Variants in CUL4A observed in about 807,000 individuals in gnomAD.
CUL4A encodes the protein cullin 4A.
Under a neutral mutation model 95.5 loss-of-function variants are expected in CUL4A, and 16 were observed. That is an observed-to-expected ratio of 0.17 (90% CI 0.11 to 0.25). The LOEUF (loss-of-function observed/expected upper bound fraction) is 0.25. Among genes scored for constraint, CUL4A ranks in the 10% least tolerant of loss-of-function variants. The probability of loss-of-function intolerance (pLI) is 1.00; values close to 1 mark genes in which losing one functional copy is unlikely to be tolerated. For synonymous variants in CUL4A, 380 were observed against 353.1 expected, an observed-to-expected ratio of 1.08 and a Z score of -0.85; for missense variants, 610 against 937.0, an observed-to-expected ratio of 0.65 and a Z score of 4.56.
At chr13:113,243,578 A>C (rs1180607035) in intron 11 of CUL4A, among the ~76,000 whole-genome samples, 2 of 151,948 alleles carry the variant, frequency 1.3e-5, no homozygotes, top group Non-Finnish European at 2.9e-5. Flanking sequence ...GGCTTTCTCT[A>C]GTCAGTAAAA....
chr13:113,240,589 A>G (rs1465173021), intron 10 of CUL4A, among the ~76,000 whole-genome samples: 1 of 152,236 alleles, frequency 6.6e-6, no homozygotes, highest in Non-Finnish European at 1.5e-5. Context: ...TTTCCAGAGA[A>G]TTACACTAAG....
intron 2 of CUL4A, among the ~76,000 whole-genome samples, chr13:113,212,626 G>C (rs1215931779): frequency 6.6e-6 from 1 of 151,806 alleles, no homozygotes; most frequent in Non-Finnish European, 1.5e-5. Flanking sequence ...TCTACTAAAA[G>C]TACAAAAAAT....
intron 18 of CUL4A, among the ~76,000 whole-genome samples, chr13:113,256,926 G>GTTTTGT (rs2042137989): frequency 4.2e-5 from 2 of 47,374 alleles, no homozygotes. Flanking sequence ...TTTTTTTTTC[G>GTTTTGT]TTTTTTTTTT....
chr13:113,243,274 C>T, intron 11 of CUL4A, 114 bp downstream of exon 11: 1 of 958,960 alleles, frequency 1.0e-6, no homozygotes, highest in Non-Finnish European at 1.5e-6. Flanking sequence ...GTTCAAGCTG[C>T]TCAAGGGGTG....
chr13:113,209,872 C>A, intron 1 of CUL4A, 97 bp downstream of exon 1: 1 of 1,170,104 alleles, frequency 8.5e-7, no homozygotes, highest in Non-Finnish European at 1.1e-6. Context: ...TCCGTGCGGG[C>A]CCCGGGAGCG....
chr13:113,263,483 T>A lies in CUL4A; in HGVS notation c.2185-4T>A, dbSNP rs751440288. On this transcript the variant is annotated splice_region_variant and splice_polypyrimidine_tract_variant and intron_variant, in intron 19 of 19. Coordinates refer to ENST00000375440, the MANE Select transcript of CUL4A (RefSeq NM_001008895.4). ...ATTAGGGGGGTTTTATTCTTCTTTT[T>A]TAGCCTGGAGATTTGAAAAAGAGAA... 6.3e-7 allele frequency: 1 copy of A among 1,589,478 alleles called. No individual in the cohort carries two copies. The highest frequency in any genetic ancestry group is 8.6e-7 in the Non-Finnish European group (1 of 1,167,118).
intron 5 of CUL4A, among the ~76,000 whole-genome samples, chr13:113,231,707 AAGT>A: frequency 6.6e-6 from 1 of 152,158 alleles, no homozygotes; most frequent in Non-Finnish European, 1.5e-5. Flanking sequence ...CACAGCTAGC[AAGT>A]AGTAGGGCCA....
Position 113,260,899 on chromosome 13 carries a change from G to C in CUL4A, c.2184+140G>C, listed in dbSNP as rs1385807820. On this transcript the variant is annotated intron_variant, in intron 19 of 19. Transcript: ENST00000375440. ...GTATACACTGAATGTAGAAAAACTGGCAAATGTGAAGCTCTTTATTCCAGG... is the reference window on the plus strand; with the variant it reads ...GTATACACTGAATGTAGAAAAACTGCCAAATGTGAAGCTCTTTATTCCAGG... 8 of 674,650 alleles carry C rather than the reference G, an allele frequency of 1.2e-5. No homozygotes were observed. The East Asian group carries it at 2.4e-4, about 20-fold the overall frequency. 41.8% of individuals were successfully genotyped at this position (674,650 alleles called of 1,614,324 possible). A position where few individuals can be genotyped will look rare whatever the true frequency, so the allele number is the denominator to read the frequency against.
In CUL4A at chr13:113,222,541, G is replaced by A. The variant is rs536572197; in HGVS notation, c.368+3493G>A. 4.8e-4 allele frequency among the ~76,000 whole-genome samples: 73 copies of A among 152,258 alleles called. 1 individual carries two copies. In the South Asian group the frequency reaches 0.015, roughly 31 times the overall value. ...TCGTGGTCATGTTGATTTGGAAGGA[G>A]GTGAGGAGGCACTCAGGTAGAGATG... On this transcript the variant is annotated intron_variant, in intron 3 of 19. Transcript: ENST00000375440.
upstream of CUL4A, chr13:113,208,974 A>C (rs2040196131): frequency 4.6e-6 from 5 of 1,097,548 alleles, no homozygotes; most frequent in Non-Finnish European, 5.6e-6. Flanking sequence ...GCCCCTTGTG[A>C]AAACCAGGCC....
intron 10 of CUL4A, among the ~76,000 whole-genome samples, chr13:113,241,449 CCCACACCTGCTAG>C (rs2041706142): frequency 6.6e-6 from 1 of 151,872 alleles, no homozygotes; most frequent in Non-Finnish European, 1.5e-5. Context: ...GTAAGTCCCT[CCCACACCTGCTAG>C]CCACACACCG....
At chr13:113,246,858 T>C (rs1294898724) in intron 15 of CUL4A, among the ~76,000 whole-genome samples, 1 of 152,228 alleles carries the variant, frequency 6.6e-6, no homozygotes, top group African/African-American at 2.4e-5. Context: ...TCCATTGTTA[T>C]GCTTAGGTTT....
Position 113,255,045 on chromosome 13 carries a change from G to A in CUL4A, c.1951G>A (p.Gly651Arg), listed in dbSNP as rs745639166. ...KSPKGKEVED[G>R]DKFIFNGEFK... Reference sequence around the variant, plus strand: ...TCCCAAAGGAAAGGAAGTGGAAGATGGAGACAAGTTCATTTTTAATGGAGA... The same window carrying A: ...TCCCAAAGGAAAGGAAGTGGAAGATAGAGACAAGTTCATTTTTAATGGAGA... Residue 651 changes from glycine (G) to arginine (R), a missense_variant, in exon 18 of 20, where the codon GGA (glycine) becomes AGA (arginine). Physicochemically the swap from Gly to Arg is moderately radical, Grantham distance 125. Transcript: ENST00000375440. 6.2e-7 allele frequency: 1 copy of A among 1,614,098 alleles called. No homozygotes were observed. The highest frequency in any genetic ancestry group is 1.7e-5 in the Admixed American group (1 of 60,016).
intron 18 of CUL4A, among the ~76,000 whole-genome samples, chr13:113,260,198 C>T (rs1266259501): frequency 0.024 from 22 of 902 alleles, 1 homozygote; most frequent in Admixed American, 0.11. Context: ...AGTGAGACTC[C>T]GTCTCAAAAA....
Position 113,209,644 on chromosome 13 carries a change from C to T in CUL4A, c.17C>T (p.Pro6Leu), listed in dbSNP as rs1203682299. Residue 6 changes from proline (P) to leucine (L), a missense_variant, in exon 1 of 20, where the codon CCG becomes CTG. This residue lies in a region of CUL4A where 168 missense variants were observed against 185.5 expected (regional missense o/e 0.91). Coordinates refer to ENST00000375440, the MANE Select transcript of CUL4A (RefSeq NM_001008895.4). MADEA[P>L]RKGSFSALVG... is the part of the protein sequence containing the mutation. Reference sequence around the variant, plus strand: ...GGCCCAGCCATGGCGGACGAGGCCCCGCGGAAGGGCAGCTTCTCGGCGCTC... The same window carrying T: ...GGCCCAGCCATGGCGGACGAGGCCCTGCGGAAGGGCAGCTTCTCGGCGCTC... 6 of 1,106,134 alleles carry T rather than the reference C, an allele frequency of 5.4e-6. No individual in the cohort carries two copies. The Admixed American group carries it at 2.6e-4, about 47-fold the overall frequency. The allele number at this position is 1,106,134 out of a possible 1,614,324, so 68.5% of individuals were successfully genotyped here. A position where few individuals can be genotyped will look rare whatever the true frequency, so the allele number is the denominator to read the frequency against.
chr13:113,210,343 T>G (rs1393181196), intron 2 of CUL4A, among the ~76,000 whole-genome samples: 1 of 152,224 alleles, frequency 6.6e-6, no homozygotes, highest in African/African-American at 2.4e-5. Flanking sequence ...AGGAGGTGTG[T>G]TTCTAGGAGC....
In CUL4A at chr13:113,209,692, C is replaced by G. The variant is rs1334553372; in HGVS notation, c.65C>G (p.Thr22Ser). ...CTCGTGGGCCGCACCAACGGCCTCACCAAGCCCGCGGCCCTGGCCGCCGCG... is the reference window on the plus strand; with the variant it reads ...CTCGTGGGCCGCACCAACGGCCTCAGCAAGCCCGCGGCCCTGGCCGCCGCG... Reference protein sequence around the residue: ...SALVGRTNGLTKPAALAAAPA... With the variant: ...SALVGRTNGLSKPAALAAAPA... Residue 22 changes from threonine (T) to serine (S), a missense_variant, in exon 1 of 20, where the codon ACC becomes AGC. This residue lies in a region of CUL4A where 168 missense variants were observed against 185.5 expected (regional missense o/e 0.91). Coordinates refer to ENST00000375440, the MANE Select transcript of CUL4A (RefSeq NM_001008895.4). 1.7e-6 allele frequency: 2 copies of G among 1,151,558 alleles called. No individual in the cohort carries two copies. Among genetic ancestry groups the G allele is most frequent in the Non-Finnish European group, 2.1e-6 (2 of 937,270 alleles). 71.3% of individuals were successfully genotyped at this position (1,151,558 alleles called of 1,614,324 possible).
At chr13:113,244,644 A>G in intron 12 of CUL4A, 130 bp downstream of exon 12, 1 of 702,048 alleles carries the variant, frequency 1.4e-6, no homozygotes, top group East Asian at 2.7e-5. Flanking sequence ...AACACTTTTC[A>G]TCCTTGCTAA....
At chr13:113,240,695 T>TA (rs1470052370) in intron 10 of CUL4A, among the ~76,000 whole-genome samples, 1 of 152,194 alleles carries the variant, frequency 6.6e-6, no homozygotes, top group African/African-American at 2.4e-5. Context: ...GATGAAAAGT[T>TA]ACCAGGGTGT....
Sources: allele counts gnomAD v4.1 joint callset (sites outside exome capture counted in the v4.1 genomes callset), GRCh38; gene constraint gnomAD v4.1.1; regional missense constraint gnomAD v4.1.1; transcripts MANE v1.5; gene names NCBI Gene and HGNC (gene_info 2026-07-23, HGNC 2026-07-21).